The following GLDN variants were observed in gnomAD, a reference collection of about 807,000 sequenced individuals.
The protein encoded by GLDN is gliomedin, also known as collomin.
In GLDN, 47 loss-of-function variants were observed where a neutral mutation model predicts 56.5. The observed-to-expected ratio is 0.83, with a 90% CI of 0.66 to 1.06. The LOEUF (loss-of-function observed/expected upper bound fraction) is 1.06. Ranked by LOEUF, GLDN falls within the 50% of genes least tolerant of loss-of-function variation. The pLI is 0.00. For missense variants in GLDN, 782 were observed against 714.3 expected (o/e 1.09, Z -1.08); for synonymous variants, 332 against 278.8 (o/e 1.19, Z -1.90).
chr15:51,365,224 TA>T (rs2037376196), intron 1 of GLDN, among the ~76,000 whole-genome samples: 1 of 152,226 alleles, frequency 6.6e-6, no homozygotes. Flanking sequence ...CAGTAATTTT[TA>T]AAAAATATGT....
intron 1 of GLDN, 28 bp downstream of exon 1, chr15:51,342,075 G>T: frequency 6.3e-7 from 1 of 1,587,748 alleles, no homozygotes; most frequent in Non-Finnish European, 8.5e-7. Flanking sequence ...TCCCCGTGGC[G>T]CCCCGGCCAG....
In GLDN at chr15:51,404,456, A is replaced by G; in HGVS notation, c.1358A>G (p.Asp453Gly). The G allele has an allele frequency of 6.2e-7, 1 of 1,614,152 alleles. No individual in the cohort carries two copies. The highest frequency in any genetic ancestry group is 8.5e-7 in the Non-Finnish European group (1 of 1,180,026). ...TCGAGCATTCTTGTAGCACAACTGG[A>G]TGAGAGGACATTCTCAGTGGTGCAA... ...DGSSILVAQL[D>G]ERTFSVVQHV... Residue 453 changes from aspartate (D) to glycine (G), a missense_variant, in exon 10 of 10, where the codon GAT becomes GGT. Coordinates refer to ENST00000335449, the MANE Select transcript of GLDN (RefSeq NM_181789.4).
In GLDN at chr15:51,383,782, C is replaced by A; in HGVS notation, c.434-3C>A. 1 of 1,590,938 alleles carries A rather than the reference C, an allele frequency of 6.3e-7. No homozygotes were observed. Among genetic ancestry groups the A allele is most frequent in the Non-Finnish European group, 8.6e-7 (1 of 1,169,360 alleles). Reference sequence around the variant, plus strand: ...ATGTCCCTGTTTCTGTGTTTTGATGCAGGACCTCCGGGAGCCGGCGGGTTG... The same window carrying A: ...ATGTCCCTGTTTCTGTGTTTTGATGAAGGACCTCCGGGAGCCGGCGGGTTG... On this transcript the variant is annotated splice_region_variant and splice_polypyrimidine_tract_variant and intron_variant, in intron 3 of 9. Transcript: ENST00000335449.
intron 1 of GLDN, among the ~76,000 whole-genome samples, chr15:51,366,467 C>G (rs1171203144): frequency 2.0e-5 from 3 of 152,194 alleles, no homozygotes; most frequent in Non-Finnish European, 2.9e-5. Flanking sequence ...GTTATAATGA[C>G]CAATGACAAC....
At chr15:51,383,517 C>T (rs1008407892) in intron 3 of GLDN, 64 bp downstream of exon 3, 2 of 1,581,408 alleles carry the variant, frequency 1.3e-6, no homozygotes, top group East Asian at 4.5e-5. Flanking sequence ...TAGGATCTCC[C>T]TGTTGGGACA....
chr15:51,384,127 C>G, intron 4 of GLDN: 1 of 524,690 alleles, frequency 1.9e-6, no homozygotes, highest in Non-Finnish European at 3.4e-6. Context: ...GGAACTGACT[C>G]GCACCCTTCT....
At chr15:51,387,222 G>A (rs539419359) in intron 4 of GLDN, among the ~76,000 whole-genome samples, 48 of 152,224 alleles carry the variant, frequency 3.2e-4, no homozygotes, top group African/African-American at 1.1e-3. Flanking sequence ...GGGTGGGGAC[G>A]TTCATCAACA....
At chr15:51,383,565 T>C in intron 3 of GLDN, 112 bp downstream of exon 3, 2 of 1,297,104 alleles carry the variant, frequency 1.5e-6, no homozygotes, top group East Asian at 2.3e-5. Context: ...CAGTCCTGGC[T>C]GTGTGTCTCC....
At chr15:51,352,250 A>C (rs2037090378) in intron 1 of GLDN, among the ~76,000 whole-genome samples, 1 of 152,008 alleles carries the variant, frequency 6.6e-6, no homozygotes, top group African/African-American at 2.4e-5. Flanking sequence ...CATTTTTATA[A>C]GGTTATTAAT....
At chr15:51,384,061 A>C (rs2081477303) in intron 4 of GLDN, 169 bp downstream of exon 4, 1 of 685,534 alleles carries the variant, frequency 1.5e-6, no homozygotes, top group East Asian at 2.8e-5. Flanking sequence ...CCAAGGGTAT[A>C]CTTCTTGGTC....
At chr15:51,369,307 A>G (rs2037469170) in intron 1 of GLDN, among the ~76,000 whole-genome samples, 2 of 152,246 alleles carry the variant, frequency 1.3e-5, no homozygotes, top group Admixed American at 1.3e-4. Context: ...TGCATAATTA[A>G]GGAGAGTCAT....
chr15:51,364,948 A>G (rs79923305), intron 1 of GLDN, among the ~76,000 whole-genome samples: 2,055 of 152,334 alleles, frequency 0.013, 44 homozygotes, highest in African/African-American at 0.047. Flanking sequence ...TTCTAACCTC[A>G]TGCCAAAAAT....
intron 6 of GLDN, among the ~76,000 whole-genome samples, chr15:51,398,287 A>G (rs1369946668): frequency 6.6e-6 from 1 of 152,262 alleles, no homozygotes; most frequent in African/African-American, 2.4e-5. Flanking sequence ...AACCAAGAGC[A>G]AGGAATACTT....
rs138171563 is a variant in GLDN, at chr15:51,371,846, C to A, written c.364-5603C>A. On this transcript the variant is annotated intron_variant, in intron 1 of 9. Transcript: ENST00000335449. Reference sequence around the variant, plus strand: ...TACAGAAGCATGGCACAATACCCAGCTAATTTTTTTCTATTTTTAGTAGAG... The same window carrying A: ...TACAGAAGCATGGCACAATACCCAGATAATTTTTTTCTATTTTTAGTAGAG... Among the ~76,000 whole-genome samples, 965 of 152,276 alleles carry A rather than the reference C, an allele frequency of 6.3e-3. 4 individuals carry two copies. Among genetic ancestry groups the A allele is most frequent in the Non-Finnish European group, 0.01 (687 of 68,016 alleles).
chr15:51,394,875 A>C lies in GLDN; in HGVS notation c.582A>C (p.Glu194Asp), dbSNP rs1293688267. 1 of 1,613,748 alleles carries C rather than the reference A, an allele frequency of 6.2e-7. No homozygotes were observed. Among genetic ancestry groups the C allele is most frequent in the Admixed American group, 1.7e-5 (1 of 59,970 alleles). Residue 194 changes from glutamate (E) to aspartate (D), a missense_variant, in exon 5 of 10, where the codon GAA becomes GAC. Physicochemically the swap from Glu to Asp is conservative, Grantham distance 45. Coordinates refer to ENST00000335449, the MANE Select transcript of GLDN (RefSeq NM_181789.4). ...CAGGAAATCCAGGGGAAAGGGGAGA[A>C]AAGGGAGACCATGGTGAACTGGGCC... ...GAAGNPGERG[E>D]KGDHGELGLQ...
chr15:51,405,777 T>C lies in GLDN; in HGVS notation c.*1023T>C, dbSNP rs867691797. On this transcript the variant is annotated 3_prime_UTR_variant, in exon 10 of 10. Transcript: ENST00000335449. ...AGAAGAGAGGCTCCATTTGTGGCTA[T>C]TATGTAGAACTGGGCCAGAGCCAGT... 3 of 152,270 alleles carry C rather than the reference T, an allele frequency of 2.0e-5. No individual in the cohort carries two copies. 9.4% of individuals were successfully genotyped at this position (152,270 alleles called of 1,614,324 possible). A position where few individuals can be genotyped will look rare whatever the true frequency, so the allele number is the denominator to read the frequency against.
At position 51,341,981 on chromosome 15, in the gene GLDN, G is replaced by T; in HGVS notation, c.297G>T (p.Glu99Asp). The T allele has an allele frequency of 1.3e-6, 2 of 1,597,752 alleles. No homozygotes were observed. Among genetic ancestry groups the T allele is most frequent in the Non-Finnish European group, 1.7e-6 (2 of 1,179,508 alleles). Residue 99 changes from glutamate (E) to aspartate (D), a missense_variant, in exon 1 of 10, where the codon GAG (glutamate) becomes GAT (aspartate). Physicochemically the swap from Glu to Asp is conservative, Grantham distance 45. Coordinates refer to ENST00000335449, the MANE Select transcript of GLDN (RefSeq NM_181789.4). ...SARNKRSHSG[E>D]PAPHIRAESH... Reference sequence around the variant, plus strand: ...GCAACAAGCGCAGCCACAGCGGCGAGCCCGCGCCGCATATCCGCGCCGAGA... The same window carrying T: ...GCAACAAGCGCAGCCACAGCGGCGATCCCGCGCCGCATATCCGCGCCGAGA...
chr15:51,359,280 C>T (rs774893385), intron 1 of GLDN, among the ~76,000 whole-genome samples: 3 of 152,164 alleles, frequency 2.0e-5, no homozygotes, highest in Admixed American at 6.5e-5. Context: ...GATATGTAGA[C>T]GTCTTACAGG....
chr15:51,400,437 T>C lies in GLDN; in HGVS notation c.966T>C (p.Thr322=). The C allele has an allele frequency of 1.2e-6, 2 of 1,614,206 alleles. No homozygotes were observed. Among genetic ancestry groups the C allele is most frequent in the Non-Finnish European group, 8.5e-7 (1 of 1,180,020 alleles). ...TGAAAGTGACAGAGACATTTGGGAC[T>C]TGGATAAGAGAGTCTGCTAACAAGA... is the stretch of plus-strand genomic sequence containing the variant. ...QVLKVTETFG[T]WIRESANKSD... Residue 322 remains threonine, a synonymous_variant, in exon 8 of 10, where the codon ACT becomes ACC. Coordinates refer to ENST00000335449, the MANE Select transcript of GLDN (RefSeq NM_181789.4).
Sources: allele counts gnomAD v4.1 joint callset (sites outside exome capture counted in the v4.1 genomes callset), GRCh38; gene constraint gnomAD v4.1.1; transcripts MANE v1.5; gene names NCBI Gene and HGNC (gene_info 2026-07-23, HGNC 2026-07-21).